ROR1: variants seen among roughly 807,000 people sequenced by gnomAD.
The protein encoded by ROR1 is ROR family WNT receptor 1, also known as inactive tyrosine-protein kinase transmembrane receptor ROR1.
Under a neutral mutation model 78.8 loss-of-function variants are expected in ROR1, and 19 were observed. The observed-to-expected ratio is 0.24, with a 90% confidence interval of 0.17 to 0.35. The LOEUF (loss-of-function observed/expected upper bound fraction) is 0.35, where lower values mean the gene tolerates loss of function less well. ROR1 is among the 10% of genes least tolerant of loss of function. The pLI is 1.00. For synonymous variants in ROR1, 386 were observed against 433.6 expected, an observed-to-expected ratio of 0.89 and a Z score of 1.36; for missense variants, 917 against 1,177.8, an observed-to-expected ratio of 0.78 and a Z score of 3.24.
chr1:63,839,938 T>C (rs1336376120), intron 1 of ROR1, among the ~76,000 whole-genome samples: 1 of 152,186 alleles, frequency 6.6e-6, no homozygotes, highest in African/African-American at 2.4e-5. Context: ...GCTGAATATA[T>C]CTCATCAGTC....
intron 1 of ROR1, among the ~76,000 whole-genome samples, chr1:63,868,948 G>A (rs953615598): frequency 5.3e-5 from 8 of 152,156 alleles, no homozygotes; most frequent in African/African-American, 1.9e-4. Flanking sequence ...GATTACTTAA[G>A]CCTTAGCATG....
intron 1 of ROR1, among the ~76,000 whole-genome samples, chr1:63,878,418 T>C (rs1369172006): frequency 6.6e-6 from 1 of 152,204 alleles, no homozygotes; most frequent in Non-Finnish European, 1.5e-5. Flanking sequence ...ACCTGCAACT[T>C]GCAGCAGTCT....
intron 1 of ROR1, among the ~76,000 whole-genome samples, chr1:63,989,240 A>G (rs1646276083): frequency 6.7e-6 from 1 of 150,004 alleles, no homozygotes; most frequent in Non-Finnish European, 1.5e-5. Context: ...GCTCAGCCAC[A>G]TACTAGGTGT....
chr1:63,921,119 G>A lies in ROR1; in HGVS notation c.92-88186G>A, dbSNP rs1018056. ...CTGTGTGCCAGACACCATGATTAAAGGACAATCGAAGTAACTCGGTAATCA... is the reference window on the plus strand; with the variant it reads ...CTGTGTGCCAGACACCATGATTAAAAGACAATCGAAGTAACTCGGTAATCA... On this transcript the variant is annotated intron_variant, in intron 1 of 8. Coordinates refer to ENST00000371079, the MANE Select transcript of ROR1 (RefSeq NM_005012.4). 1.8e-4 allele frequency among the ~76,000 whole-genome samples: 27 copies of A among 152,282 alleles called. No individual in the cohort carries two copies. The South Asian group carries it at 5.2e-3, about 29-fold the overall frequency.
intron 4 of ROR1, among the ~76,000 whole-genome samples, chr1:64,089,817 A>G (rs1647180971): frequency 6.6e-6 from 1 of 152,168 alleles, no homozygotes; most frequent in African/African-American, 2.4e-5. Flanking sequence ...CTCATCCTGA[A>G]TTGTAGCTCC....
chr1:64,107,992 T>C (rs908517687), intron 4 of ROR1, among the ~76,000 whole-genome samples: 1 of 152,146 alleles, frequency 6.6e-6, no homozygotes, highest in Non-Finnish European at 1.5e-5. Flanking sequence ...TTATTTTATA[T>C]GGATGTATAA....
chr1:63,951,530 G>A (rs1268035065), intron 1 of ROR1, among the ~76,000 whole-genome samples: 1 of 152,194 alleles, frequency 6.6e-6, no homozygotes, highest in Non-Finnish European at 1.5e-5. Context: ...CACAGCAGGT[G>A]CCATCAGGAG....
intron 1 of ROR1, among the ~76,000 whole-genome samples, chr1:63,799,197 T>C (rs1170293324): frequency 2.0e-5 from 3 of 152,212 alleles, no homozygotes; most frequent in Non-Finnish European, 4.4e-5. Context: ...TGGCACGTAG[T>C]AGGTGTTCAA....
intron 2 of ROR1, among the ~76,000 whole-genome samples, chr1:64,014,773 T>TATATATATATATATATAC (rs71056017): frequency 4.3e-5 from 2 of 47,010 alleles, no homozygotes; most frequent in African/African-American, 1.1e-4. Context: ...TATATATATA[T>TATATATATATATATATAC]ACACATTTTG....
chr1:64,025,997 C>A (rs1384182996), intron 2 of ROR1, among the ~76,000 whole-genome samples: 1 of 152,146 alleles, frequency 6.6e-6, no homozygotes, highest in African/African-American at 2.4e-5. Context: ...ACCACCTGTT[C>A]CCCCAAAAGG....
rs143399688 is a variant in ROR1 at position 63,978,881 on chromosome 1, C to T, written c.92-30424C>T. On this transcript the variant is annotated intron_variant, in intron 1 of 8. Coordinates refer to ENST00000371079, the MANE Select transcript of ROR1 (RefSeq NM_005012.4). ...ATCTGAAGTCTGTGGGGTGCGCTGGCAGGTTGGAGACCAGGAAAGGGCCGA... is the reference window on the plus strand; with the variant it reads ...ATCTGAAGTCTGTGGGGTGCGCTGGTAGGTTGGAGACCAGGAAAGGGCCGA... Among the ~76,000 whole-genome samples the T allele has an allele frequency of 2.9e-3, 435 of 152,276 alleles. 7 individuals carry two copies. Among genetic ancestry groups the T allele is most frequent in the Admixed American group, 0.026 (394 of 15,292 alleles).
At chr1:64,122,137 G>A (rs145535379) in intron 4 of ROR1, among the ~76,000 whole-genome samples, 100 of 152,308 alleles carry the variant, frequency 6.6e-4, no homozygotes, top group South Asian at 1.7e-3. Flanking sequence ...AACCCGAGAT[G>A]TTGAGGCTGG....
At chr1:64,009,199 C>T in intron 1 of ROR1, 106 bp from the exon 2 acceptor site, 1 of 872,614 alleles carries the variant, frequency 1.1e-6, no homozygotes, top group Non-Finnish European at 1.9e-6. Context: ...GGTCTCTCTC[C>T]AAAGGCAGGC....
chr1:63,790,566 C>A (rs1427839945), intron 1 of ROR1, among the ~76,000 whole-genome samples: 1 of 152,174 alleles, frequency 6.6e-6, no homozygotes, highest in Non-Finnish European at 1.5e-5. Flanking sequence ...AATTGGCAAC[C>A]AATTCAGATT....
chr1:63,816,574 T>C (rs1199181097), intron 1 of ROR1, among the ~76,000 whole-genome samples: 1 of 152,202 alleles, frequency 6.6e-6, no homozygotes, highest in African/African-American at 2.4e-5. Flanking sequence ...CTCGGGTGTG[T>C]CTTTATCAGC....
intron 1 of ROR1, among the ~76,000 whole-genome samples, chr1:63,869,455 C>A (rs1417364508): frequency 6.6e-6 from 1 of 152,080 alleles, no homozygotes; most frequent in Non-Finnish European, 1.5e-5. Flanking sequence ...ATGCTGTGCA[C>A]CTTACTATTT....
intron 4 of ROR1, among the ~76,000 whole-genome samples, chr1:64,135,925 A>C (rs1389587402): frequency 2.0e-5 from 3 of 152,128 alleles, no homozygotes; most frequent in Non-Finnish European, 2.9e-5. Flanking sequence ...TTAGTGTCCT[A>C]TCAGGTGATT....
intron 4 of ROR1, among the ~76,000 whole-genome samples, chr1:64,050,936 A>T (rs757575112): frequency 1.6e-4 from 24 of 152,180 alleles, no homozygotes; most frequent in Non-Finnish European, 3.4e-4. Context: ...ATTCTGAATG[A>T]TCAAAGCAAA....
chr1:63,807,686 A>G (rs1644838047), intron 1 of ROR1, among the ~76,000 whole-genome samples: 1 of 152,074 alleles, frequency 6.6e-6, no homozygotes, highest in Non-Finnish European at 1.5e-5. Context: ...TCCTGAAGGC[A>G]GGGATGATGC....
Sources: gnomAD v4.1 joint callset for allele counts (sites outside exome capture counted in the v4.1 genomes callset) on GRCh38, gnomAD v4.1.1 for gene constraint, MANE v1.5 for transcripts, NCBI Gene and HGNC (gene_info 2026-07-23, HGNC 2026-07-21) for gene names.